GPR176: variants seen among roughly 807,000 people sequenced by gnomAD.
GPR176 encodes the protein G protein-coupled receptor 176, also known as G-protein coupled receptor 176.
A neutral mutation model predicts 35.4 loss-of-function variants in GPR176; 26 were observed. The ratio of observed to expected loss-of-function variants is 0.74; its 90% CI spans 0.54 to 1.02. The LOEUF (loss-of-function observed/expected upper bound fraction) is 1.02, where lower values mean the gene tolerates loss of function less well. Ranked by LOEUF, GPR176 falls within the 50% of genes least tolerant of loss-of-function variation. GPR176 has a pLI of 0.00. For missense variants in GPR176, 597 were observed against 665.3 expected (o/e 0.90, Z 1.13); for synonymous variants, 278 against 271.3 (o/e 1.02, Z -0.24).
At chr15:39,890,320 T>C (rs1225738569) in intron 1 of GPR176, among the ~76,000 whole-genome samples, 1 of 152,228 alleles carries the variant, frequency 6.6e-6, no homozygotes, top group African/African-American at 2.4e-5. Context: ...ATTCGGGTTT[T>C]TTGCAGGTCA....
At chr15:39,839,825 A>G (rs559038175) in intron 1 of GPR176, among the ~76,000 whole-genome samples, 1 of 152,356 alleles carries the variant, frequency 6.6e-6, no homozygotes, top group East Asian at 1.9e-4. Context: ...GAAGGATATG[A>G]ACAGACACTT....
intron 1 of GPR176, among the ~76,000 whole-genome samples, chr15:39,855,318 T>C (rs910183123): frequency 7.2e-5 from 11 of 152,310 alleles, no homozygotes; most frequent in Middle Eastern, 3.4e-3. Context: ...TTTTACTCTT[T>C]CCCCAATTTC....
chr15:39,823,152 TCTAGA>T (rs930119775), intron 1 of GPR176, among the ~76,000 whole-genome samples: 21 of 152,210 alleles, frequency 1.4e-4, no homozygotes, highest in Non-Finnish European at 2.4e-4. Context: ...TATCCTCTTC[TCTAGA>T]CTATTTTAGG....
chr15:39,857,765 A>G (rs189271490), intron 1 of GPR176, among the ~76,000 whole-genome samples: 40 of 152,038 alleles, frequency 2.6e-4, no homozygotes, highest in Admixed American at 9.8e-4. Flanking sequence ...TCAGGAGATC[A>G]AGACCATCCT....
chr15:39,879,316 A>T (rs1225465126), intron 1 of GPR176, among the ~76,000 whole-genome samples: 1 of 151,924 alleles, frequency 6.6e-6, no homozygotes, highest in Non-Finnish European at 1.5e-5. Context: ...AGCCCACTTA[A>T]CCTCCTTCAG....
intron 1 of GPR176, among the ~76,000 whole-genome samples, chr15:39,868,725 A>G (rs529926943): frequency 6.6e-5 from 10 of 152,292 alleles, no homozygotes; most frequent in Admixed American, 4.6e-4. Context: ...CAGCGGTTAC[A>G]ATGAAATGTG....
At chr15:39,868,330 T>C (rs1385142024) in intron 1 of GPR176, among the ~76,000 whole-genome samples, 1 of 151,878 alleles carries the variant, frequency 6.6e-6, no homozygotes, top group Non-Finnish European at 1.5e-5. Flanking sequence ...GGCAGCAGAG[T>C]GGTTTTTCTC....
intron 1 of GPR176, among the ~76,000 whole-genome samples, chr15:39,896,062 A>AT (rs1004913207): frequency 4.0e-5 from 6 of 151,302 alleles, no homozygotes; most frequent in African/African-American, 9.7e-5. Context: ...TTATATTATT[A>AT]TTTTTTTTTA....
Position 39,801,584 on chromosome 15 carries a change from C to A in GPR176, c.1096G>T (p.Gly366Cys). 6.2e-7 allele frequency: 1 copy of A among 1,614,072 alleles called. No individual in the cohort carries two copies. Among genetic ancestry groups the A allele is most frequent in the South Asian group, 1.1e-5 (1 of 91,082 alleles). ...TGGAACATCTCCAGGAGCTGGCTAC[C>A]CGAGCGTATGCTGGGTTCCAGGCTG... is the stretch of plus-strand genomic sequence containing the variant. Reference protein sequence around the residue: ...EASLEPSIRSGSQLLEMFHIG... With the variant: ...EASLEPSIRSCSQLLEMFHIG... Residue 366 changes from glycine to cysteine, a missense_variant, in exon 3 of 3, where the codon GGT becomes TGT. By Grantham distance (159) the Gly-to-Cys change is radical. Transcript: ENST00000561100.
At chr15:39,845,982 G>A (rs975162228) in intron 1 of GPR176, among the ~76,000 whole-genome samples, 10 of 152,172 alleles carry the variant, frequency 6.6e-5, no homozygotes, top group East Asian at 1.9e-4. Flanking sequence ...TTATGACAAG[G>A]TTGTGCCCTG....
At position 39,801,350 on chromosome 15, in the gene GPR176, T is replaced by C. The variant is rs776210777; in HGVS notation, c.1330A>G (p.Thr444Ala). The C allele has an allele frequency of 5.0e-6, 8 of 1,614,146 alleles. No individual in the cohort carries two copies. The highest frequency in any genetic ancestry group is 6.8e-6 in the Non-Finnish European group (8 of 1,180,002). ...TGCAGGGAATACTTATCAGGGAATG[T>C]TTCAGGTTCCACAGGGGCTGCCGGT... ...VAPAAPVEPE[T>A]FPDKYSLQFG... The change falls in exon 3 of 3, where the codon ACA (threonine) becomes GCA (alanine). Residue 444 changes from threonine (T) to alanine (A), a missense_variant. Around this residue, in one of 3 missense-constraint regions of GPR176, gnomAD observed 251 missense variants for 255.4 expected, o/e 0.98. Transcript: ENST00000561100.
chr15:39,810,468 CT>C (rs1313423549), intron 1 of GPR176, among the ~76,000 whole-genome samples: 1 of 152,150 alleles, frequency 6.6e-6, no homozygotes, highest in Non-Finnish European at 1.5e-5. Flanking sequence ...GGCTTTGCAT[CT>C]TTGAGAGCAA....
intron 1 of GPR176, among the ~76,000 whole-genome samples, chr15:39,883,689 C>T (rs974323806): frequency 2.6e-5 from 4 of 152,288 alleles, no homozygotes; most frequent in Middle Eastern, 3.4e-3. Flanking sequence ...ATACTCTCTA[C>T]AATATTCTGT....
chr15:39,885,367 G>C (rs2032636180), intron 1 of GPR176, among the ~76,000 whole-genome samples: 1 of 152,180 alleles, frequency 6.6e-6, no homozygotes, highest in South Asian at 2.1e-4. Context: ...AAGCAAATCA[G>C]GGAGTAAGAA....
chr15:39,847,730 G>A (rs1262972872), intron 1 of GPR176, among the ~76,000 whole-genome samples: 2 of 109,084 alleles, frequency 1.8e-5, no homozygotes, highest in African/African-American at 3.8e-5. Flanking sequence ...GTGACAAAGC[G>A]AGACTCTGTC....
chr15:39,823,143 A>G (rs1247638002), intron 1 of GPR176, among the ~76,000 whole-genome samples: 1 of 152,056 alleles, frequency 6.6e-6, no homozygotes, highest in Non-Finnish European at 1.5e-5. Flanking sequence ...TTCTCATGCT[A>G]TCCTCTTCTC....
intron 1 of GPR176, among the ~76,000 whole-genome samples, chr15:39,863,274 G>A (rs1382790265): frequency 1.3e-5 from 2 of 150,806 alleles, no homozygotes; most frequent in African/African-American, 4.9e-5. Context: ...GTAGAGATGG[G>A]GTTTCACCGT....
At chr15:39,909,552 C>T (rs1292504860) in intron 1 of GPR176, among the ~76,000 whole-genome samples, 1 of 152,160 alleles carries the variant, frequency 6.6e-6, no homozygotes. Flanking sequence ...ACATTACACC[C>T]TACAGCCAGA....
At chr15:39,878,691 A>G (rs2032356395) in intron 1 of GPR176, among the ~76,000 whole-genome samples, 1 of 152,194 alleles carries the variant, frequency 6.6e-6, no homozygotes, top group African/African-American at 2.4e-5. Flanking sequence ...TTTTTTTAAG[A>G]ACCTCTATAT....
Sources: gnomAD v4.1 joint callset for allele counts (sites outside exome capture counted in the v4.1 genomes callset) on GRCh38, gnomAD v4.1.1 for gene constraint, gnomAD v4.1.1 regional missense constraint, MANE v1.5 for transcripts, NCBI Gene and HGNC (gene_info 2026-07-23, HGNC 2026-07-21) for gene names.